FER: variants seen among roughly 807,000 people sequenced by gnomAD.
FER encodes the protein tyrosine-protein kinase Fer.
FER carries 63 observed loss-of-function variants against 111.0 expected under a neutral mutation model. That is an observed-to-expected ratio of 0.57 (90% CI 0.46 to 0.70). FER has a LOEUF of 0.70. FER is among the 30% of genes least tolerant of loss of function. FER has a pLI of 0.00. For missense variants in FER, 914 were observed against 954.0 expected (o/e 0.96, Z 0.55); for synonymous variants, 327 against 313.9 (o/e 1.04, Z -0.44).
intron 10 of FER, among the ~76,000 whole-genome samples, chr5:108,927,099 T>G (rs1753845554): frequency 6.6e-6 from 1 of 152,014 alleles, no homozygotes; most frequent in African/African-American, 2.4e-5. Context: ...TTATTGGAAT[T>G]TCACTTCCCT....
intron 13 of FER, among the ~76,000 whole-genome samples, chr5:108,969,813 A>T (rs1760392633): frequency 1.3e-5 from 2 of 148,314 alleles, no homozygotes; most frequent in African/African-American, 5.3e-5. Context: ...TATTTATCTG[A>T]TTTTTATTAA....
intron 2 of FER, chr5:108,785,298 G>A: frequency 1.8e-6 from 1 of 548,840 alleles, no homozygotes; most frequent in Non-Finnish European, 3.5e-6. Flanking sequence ...ATGCCAGATG[G>A]TGGGGGCATT....
At chr5:108,905,876 T>G (rs982730805) in intron 10 of FER, among the ~76,000 whole-genome samples, 1 of 152,216 alleles carries the variant, frequency 6.6e-6, no homozygotes. Context: ...TCATCAAGTA[T>G]TTCCCACTTT....
chr5:108,759,836 C>A (rs1751524851), intron 1 of FER, among the ~76,000 whole-genome samples: 1 of 152,190 alleles, frequency 6.6e-6, no homozygotes, highest in Non-Finnish European at 1.5e-5. Flanking sequence ...AAGTCCACAC[C>A]TTCCAATACA....
At chr5:109,026,940 A>G (rs1768830149) in intron 13 of FER, among the ~76,000 whole-genome samples, 1 of 152,074 alleles carries the variant, frequency 6.6e-6, no homozygotes, top group African/African-American at 2.4e-5. Context: ...CGGCCTCCCA[A>G]AGTGCTGGGA....
chr5:108,928,786 CTCTTT>C (rs759500973), intron 10 of FER, among the ~76,000 whole-genome samples: 10 of 151,430 alleles, frequency 6.6e-5, no homozygotes, highest in South Asian at 2.1e-4. Context: ...ACTGTTTTTG[CTCTTT>C]TCTTAAAGAA....
intron 16 of FER, among the ~76,000 whole-genome samples, chr5:109,077,866 T>G (rs985053947): frequency 5.3e-5 from 8 of 152,184 alleles, no homozygotes; most frequent in Admixed American, 2.6e-4. Flanking sequence ...ATATAATTAG[T>G]TTTTTTGTAA....
chr5:108,848,143 G>A (rs969374759), intron 5 of FER, among the ~76,000 whole-genome samples: 2 of 152,144 alleles, frequency 1.3e-5, no homozygotes, highest in East Asian at 3.9e-4. Flanking sequence ...GCCTCCCAAA[G>A]TGTTGAGAGT....
intron 14 of FER, among the ~76,000 whole-genome samples, chr5:109,039,935 C>A (rs555328257): frequency 5.9e-5 from 9 of 152,156 alleles, no homozygotes; most frequent in African/African-American, 1.7e-4. Context: ...GGCAGTTGAA[C>A]TTACCTGACT....
chr5:109,181,781 C>A (rs570625263), intron 18 of FER, among the ~76,000 whole-genome samples: 1 of 152,230 alleles, frequency 6.6e-6, no homozygotes, highest in South Asian at 2.1e-4. Flanking sequence ...AAATTAATTA[C>A]TTTAAAGTGA....
intron 16 of FER, among the ~76,000 whole-genome samples, chr5:109,064,403 A>T (rs1774831064): frequency 6.6e-6 from 1 of 152,166 alleles, no homozygotes; most frequent in Admixed American, 6.5e-5. Flanking sequence ...AACCCAGAAG[A>T]AGAATATAAG....
intron 13 of FER, among the ~76,000 whole-genome samples, chr5:109,035,188 C>T (rs1022447445): frequency 6.6e-6 from 1 of 151,928 alleles, no homozygotes; most frequent in African/African-American, 2.4e-5. Flanking sequence ...TGTGCGCCAC[C>T]ACACCCAGCT....
At chr5:109,033,142 A>G (rs962459516) in intron 13 of FER, among the ~76,000 whole-genome samples, 1 of 152,104 alleles carries the variant, frequency 6.6e-6, no homozygotes, top group Non-Finnish European at 1.5e-5. Flanking sequence ...TTTTATTTTC[A>G]TTCATTAACC....
At chr5:108,853,238 C>T (rs2150192523) in intron 5 of FER, among the ~76,000 whole-genome samples, 1 of 152,076 alleles carries the variant, frequency 6.6e-6, no homozygotes, top group East Asian at 1.9e-4. Context: ...CAAATAAGAA[C>T]TATATCAATT....
chr5:109,011,307 A>G (rs867363967), intron 13 of FER, among the ~76,000 whole-genome samples: 8 of 152,226 alleles, frequency 5.3e-5, no homozygotes, highest in African/African-American at 1.7e-4. Flanking sequence ...AGAGATGGAT[A>G]CAGCAAAATG....
At chr5:109,009,183 A>G (rs1343359452) in intron 13 of FER, among the ~76,000 whole-genome samples, 1 of 150,346 alleles carries the variant, frequency 6.7e-6, no homozygotes, top group African/African-American at 2.4e-5. Context: ...AAGTAGGTGC[A>G]CACCACCATG....
intron 17 of FER, among the ~76,000 whole-genome samples, chr5:109,104,988 C>T (rs977293981): frequency 7.2e-5 from 11 of 152,136 alleles, no homozygotes; most frequent in African/African-American, 1.9e-4. Context: ...CGTGATCCGC[C>T]TGCCTTGGCC....
chr5:109,080,545 C>G (rs554184373), intron 16 of FER, among the ~76,000 whole-genome samples: 1 of 152,130 alleles, frequency 6.6e-6, no homozygotes, highest in East Asian at 1.9e-4. Context: ...TTGATTCTTA[C>G]AAATTTTAGG....
At chr5:108,800,254 C>T (rs1756490417) in intron 3 of FER, among the ~76,000 whole-genome samples, 1 of 152,190 alleles carries the variant, frequency 6.6e-6, no homozygotes, top group South Asian at 2.1e-4. Flanking sequence ...GCCATTGTCA[C>T]ATAGTTTCTG....
Sources: gnomAD v4.1 joint callset for allele counts (sites outside exome capture counted in the v4.1 genomes callset) on GRCh38, gnomAD v4.1.1 for gene constraint, MANE v1.5 for transcripts, NCBI Gene and HGNC (gene_info 2026-07-23, HGNC 2026-07-21) for gene names.